CBFB: variants seen among roughly 807,000 people sequenced by gnomAD.
CBFB encodes the protein core-binding factor subunit beta.
Under a neutral mutation model 30.4 loss-of-function variants are expected in CBFB, and 9 were observed. The observed-to-expected ratio is 0.30, with a 90% CI of 0.18 to 0.52. The LOEUF is 0.52. Ranked by LOEUF, CBFB falls within the 20% of genes least tolerant of loss-of-function variation. The pLI, the probability that CBFB is intolerant of heterozygous loss-of-function variation, is 0.97. For missense variants in CBFB, 170 were observed against 244.0 expected (o/e 0.70, Z 2.02); for synonymous variants, 94 against 84.0 (o/e 1.12, Z -0.65).
At chr16:67,083,070 T>G (rs1961615016) in intron 5 of CBFB, among the ~76,000 whole-genome samples, 1 of 152,146 alleles carries the variant, frequency 6.6e-6, no homozygotes, top group Admixed American at 6.6e-5. Context: ...CTTTAGTCAC[T>G]TGGTAGGCCA....
At chr16:67,060,699 G>A (rs1960887882) in intron 3 of CBFB, among the ~76,000 whole-genome samples, 2 of 152,220 alleles carry the variant, frequency 1.3e-5, no homozygotes, top group Admixed American at 6.5e-5. Context: ...GGGGTTACAG[G>A]CATGTGCCAC....
chr16:67,049,695 T>C (rs1329312696), intron 3 of CBFB, among the ~76,000 whole-genome samples: 1 of 151,912 alleles, frequency 6.6e-6, no homozygotes, highest in Non-Finnish European at 1.5e-5. Context: ...CTATGTTGCT[T>C]AGGGTGGTCT....
chr16:67,044,034 C>T (rs187122224), intron 3 of CBFB, among the ~76,000 whole-genome samples: 19 of 152,256 alleles, frequency 1.2e-4, no homozygotes, highest in African/African-American at 4.3e-4. Flanking sequence ...ATTGTGTAGA[C>T]CAGGCAACTC....
rs1056101547 is a variant in CBFB at position 67,049,740 on chromosome 16, T to C, written c.282+12985T>C. On this transcript the variant is annotated intron_variant, in intron 3 of 5. Transcript: ENST00000412916. ...GGCTGGGTTCAAGTGATCCTTCCAC[T>C]TTGGCCTCCCATGAACCATTTTAAA... is the stretch of plus-strand genomic sequence containing the variant. Among the ~76,000 whole-genome samples, 12 of 152,094 alleles carry C rather than the reference T, an allele frequency of 7.9e-5. 1 individual carries two copies. The highest frequency in any genetic ancestry group is 1.5e-4 in the Non-Finnish European group (10 of 68,008).
At chr16:67,076,271 G>C (rs115775129) in intron 4 of CBFB, among the ~76,000 whole-genome samples, 1 of 151,996 alleles carries the variant, frequency 6.6e-6, no homozygotes, top group South Asian at 2.1e-4. Context: ...GCATGCACTT[G>C]TAGTCCTAGT....
chr16:67,029,249 T>C lies in CBFB; in HGVS notation c.-159T>C. ...TCGAGCGGGCGGCGGCGCCTCAGAC[T>C]CCCCGGAACGGGAGCCCACGCGGGC... On this transcript the variant is annotated 5_prime_UTR_variant, in exon 1 of 6. Coordinates refer to ENST00000412916, the MANE Select transcript of CBFB (RefSeq NM_022845.3). 1 of 377,136 alleles carries C rather than the reference T, an allele frequency of 2.7e-6. No individual in the cohort carries two copies. The allele number at this position is 377,136 out of a possible 1,614,324, so 23.4% of individuals were successfully genotyped here.
chr16:67,082,171 T>A (rs75416092), intron 4 of CBFB, 42 bp from the exon 5 acceptor site: 439 of 1,445,576 alleles, frequency 3.0e-4, no homozygotes, highest in Non-Finnish European at 3.5e-4. Flanking sequence ...GTATTTTTTT[T>A]ATAAATCAAA....
chr16:67,098,149 T>C (rs1567627945), intron 5 of CBFB, among the ~76,000 whole-genome samples: 2 of 151,260 alleles, frequency 1.3e-5, no homozygotes, highest in Non-Finnish European at 2.9e-5. Context: ...TTTGTTTGTT[T>C]TTTGAGATGG....
intron 3 of CBFB, among the ~76,000 whole-genome samples, chr16:67,049,239 T>C (rs754288335): frequency 2.0e-5 from 3 of 152,096 alleles, no homozygotes; most frequent in Non-Finnish European, 1.5e-5. Context: ...CAGAGTCTCT[T>C]GTCTGCCAGG....
intron 2 of CBFB, among the ~76,000 whole-genome samples, chr16:67,031,470 C>G (rs1003679598): frequency 6.6e-6 from 1 of 152,180 alleles, no homozygotes; most frequent in African/African-American, 2.4e-5. Flanking sequence ...GTAAAGGATG[C>G]AAGTATAAAA....
At chr16:67,069,844 TTGGGTGCAG>T (rs1207089888) in intron 4 of CBFB, among the ~76,000 whole-genome samples, 1 of 152,092 alleles carries the variant, frequency 6.6e-6, no homozygotes. Flanking sequence ...TAAAAGCAGA[TTGGGTGCAG>T]TGGCTCACAC....
At chr16:67,085,822 C>T (rs1401007626) in intron 5 of CBFB, among the ~76,000 whole-genome samples, 2 of 151,896 alleles carry the variant, frequency 1.3e-5, no homozygotes, top group Non-Finnish European at 2.9e-5. Flanking sequence ...GGACCACAGG[C>T]GCCCGCCACC....
In CBFB at chr16:67,099,589, A is replaced by G. The variant is rs1335370092; in HGVS notation, c.*811A>G. On this transcript the variant is annotated 3_prime_UTR_variant, in exon 6 of 6. Coordinates refer to ENST00000412916, the MANE Select transcript of CBFB (RefSeq NM_022845.3). ...TGGTATTAACTCTGTACTCTGCCCT[A>G]GATTGTTTTAGCTTCTGTTCTGTAA... 5.0e-6 allele frequency: 1 copy of G among 201,232 alleles called. No homozygotes were observed. Among genetic ancestry groups the G allele is most frequent in the Non-Finnish European group, 1.0e-5 (1 of 97,688 alleles). 12.5% of individuals were successfully genotyped at this position (201,232 alleles called of 1,614,324 possible).
At chr16:67,069,349 G>A (rs903097014) in intron 4 of CBFB, among the ~76,000 whole-genome samples, 1 of 150,818 alleles carries the variant, frequency 6.6e-6, no homozygotes, top group East Asian at 1.9e-4. Context: ...CAGCCTGGGC[G>A]ACAGAGCAAG....
rs558498911 is a variant in CBFB at position 67,089,361 on chromosome 16, A to G, written c.495+7053A>G. On this transcript the variant is annotated intron_variant, in intron 5 of 5. Transcript: ENST00000412916. ...ATCTAAGAAACTGGAACTAGAAACTATGGGGGAGAACCAGGTACCTGGGGG... is the reference window on the plus strand; with the variant it reads ...ATCTAAGAAACTGGAACTAGAAACTGTGGGGGAGAACCAGGTACCTGGGGG... 2.0e-5 allele frequency among the ~76,000 whole-genome samples: 3 copies of G among 152,162 alleles called. No homozygotes were observed. The East Asian group carries it at 5.8e-4, about 29-fold the overall frequency.
rs764788080 is a variant in CBFB at position 67,085,673 on chromosome 16, C to CTTTT, written c.495+3384_495+3387dup. On this transcript the variant is annotated intron_variant, in intron 5 of 5. Transcript: ENST00000412916. Reference sequence around the variant, plus strand: ...CTGCACCCAGCCTAAAATTTAGTATCTTTTTTTTTTTTTTTTTTTTTTGAG... The same window carrying CTTTT: ...CTGCACCCAGCCTAAAATTTAGTATCTTTTTTTTTTTTTTTTTTTTTTTTTTGAG... 1.0e-2 allele frequency among the ~76,000 whole-genome samples: 1,152 copies of CTTTT among 115,458 alleles called. 42 individuals carry two copies. Among genetic ancestry groups the CTTTT allele is most frequent in the African/African-American group, 0.037 (1,094 of 29,282 alleles). The allele number at this position is 115,458 out of a possible 152,430, so 75.7% of individuals were successfully genotyped here. A position where few individuals can be genotyped will look rare whatever the true frequency, so the allele number is the denominator to read the frequency against.
intron 2 of CBFB, among the ~76,000 whole-genome samples, chr16:67,034,810 A>T (rs1438286646): frequency 1.3e-5 from 2 of 151,980 alleles, no homozygotes; most frequent in East Asian, 3.9e-4. Context: ...TTCTGCCACC[A>T]CTCTGCTCTG....
intron 4 of CBFB, among the ~76,000 whole-genome samples, chr16:67,072,055 T>TA (rs1396605635): frequency 6.6e-6 from 1 of 152,188 alleles, no homozygotes; most frequent in Non-Finnish European, 1.5e-5. Flanking sequence ...TTTGAAAAGT[T>TA]AAAGTTCATG....
At chr16:67,050,046 T>C (rs896711071) in intron 3 of CBFB, among the ~76,000 whole-genome samples, 3 of 151,770 alleles carry the variant, frequency 2.0e-5, no homozygotes, top group African/African-American at 7.3e-5. Context: ...ACTACACTAC[T>C]GCTAATAAGT....
Sources: allele counts gnomAD v4.1 joint callset (sites outside exome capture counted in the v4.1 genomes callset), GRCh38; gene constraint gnomAD v4.1.1; transcripts MANE v1.5; gene names NCBI Gene and HGNC (gene_info 2026-07-23, HGNC 2026-07-21).